ARL6IP5: variants seen among roughly 807,000 people sequenced by gnomAD.
ARL6IP5 encodes ARF like GTPase 6 interacting protein 5.
In ARL6IP5, 6 loss-of-function variants were observed where a neutral mutation model predicts 13.0. That is an observed-to-expected ratio of 0.46 (90% confidence interval 0.25 to 0.91). ARL6IP5 has a LOEUF of 0.91. ARL6IP5 is among the 40% of genes least tolerant of loss of function. The pLI is 0.17. For synonymous variants in ARL6IP5, 91 were observed against 91.9 expected (o/e 0.99, Z 0.06); for missense variants, 208 against 248.8 (o/e 0.84, Z 1.10).
chr3:69,091,861 T>C (rs1465407060), intron 1 of ARL6IP5, among the ~76,000 whole-genome samples: 6 of 152,130 alleles, frequency 3.9e-5, no homozygotes, highest in Non-Finnish European at 8.8e-5. Flanking sequence ...GGAAATCCAG[T>C]TCAAAAAGGT....
At chr3:69,103,667 G>T (rs947521332) in intron 2 of ARL6IP5, among the ~76,000 whole-genome samples, 1 of 152,126 alleles carries the variant, frequency 6.6e-6, no homozygotes, top group African/African-American at 2.4e-5. Context: ...TTAAAATAAT[G>T]AATTCTGGAG....
Position 69,104,916 on chromosome 3 carries a change from T to TA in ARL6IP5, c.*288dup, listed in dbSNP as rs1475990458. On this transcript the variant is annotated 3_prime_UTR_variant, in exon 3 of 3. Transcript: ENST00000273258. The stretch of plus-strand genomic sequence containing the variant: ...GATCACACGATTTCTTTAAGGGAAT[T>TA]AAAAAAAATAAAAGAATTACGGCTT... The TA allele has an allele frequency of 2.7e-5, 19 of 691,924 alleles. No individual in the cohort carries two copies. Among genetic ancestry groups the TA allele is most frequent in the African/African-American group, 1.2e-4 (7 of 56,226 alleles). 42.9% of individuals were successfully genotyped at this position (691,924 alleles called of 1,614,324 possible). A position where few individuals can be genotyped will look rare whatever the true frequency, so the allele number is the denominator to read the frequency against.
intron 1 of ARL6IP5, among the ~76,000 whole-genome samples, chr3:69,100,717 G>T (rs1013315739): frequency 6.6e-6 from 1 of 151,630 alleles, no homozygotes; most frequent in Non-Finnish European, 1.5e-5. Flanking sequence ...GGAGGCAGAG[G>T]TTGCAGTGAG....
At chr3:69,102,250 G>C (rs567824224) in intron 2 of ARL6IP5, 194 bp downstream of exon 2, 107 of 610,914 alleles carry the variant, frequency 1.8e-4, no homozygotes, top group African/African-American at 1.7e-3. Flanking sequence ...ATGAGGTCAA[G>C]GCCTTATAGT....
chr3:69,106,054 T>A lies in ARL6IP5; in HGVS notation c.*1418T>A, dbSNP rs2092321225. The A allele has an allele frequency of 6.6e-6, 1 of 152,166 alleles. No individual in the cohort carries two copies. The highest frequency in any genetic ancestry group is 1.5e-5 in the Non-Finnish European group (1 of 68,036). 9.4% of individuals were successfully genotyped at this position (152,166 alleles called of 1,614,324 possible). Reference sequence around the variant, plus strand: ...CCTTACCCACATATGAAGAATAAAATTGATTAAAGGTTTTTTTGGTGAGAC... The same window carrying A: ...CCTTACCCACATATGAAGAATAAAAATGATTAAAGGTTTTTTTGGTGAGAC... On this transcript the variant is annotated 3_prime_UTR_variant, in exon 3 of 3. Transcript: ENST00000273258.
chr3:69,087,479 T>C (rs1264316143), intron 1 of ARL6IP5, among the ~76,000 whole-genome samples: 1 of 141,560 alleles, frequency 7.1e-6, no homozygotes, highest in African/African-American at 2.6e-5. Flanking sequence ...GACCAATAAT[T>C]AAAAAAAAAA....
chr3:69,086,863 C>A (rs1164270242), intron 1 of ARL6IP5, among the ~76,000 whole-genome samples: 1 of 151,652 alleles, frequency 6.6e-6, no homozygotes, highest in Non-Finnish European at 1.5e-5. Context: ...GCTGGGATTA[C>A]AGGCACGTAC....
At chr3:69,090,515 T>C (rs1446987758) in intron 1 of ARL6IP5, among the ~76,000 whole-genome samples, 1 of 152,212 alleles carries the variant, frequency 6.6e-6, no homozygotes, top group African/African-American at 2.4e-5. Context: ...AACACATCCT[T>C]CTCAACCTGA....
chr3:69,093,376 C>T (rs965997329), intron 1 of ARL6IP5, among the ~76,000 whole-genome samples: 8 of 152,192 alleles, frequency 5.3e-5, no homozygotes, highest in Non-Finnish European at 7.4e-5. Context: ...ACAAAAGAGA[C>T]AGGCTCCTGT....
intron 1 of ARL6IP5, among the ~76,000 whole-genome samples, chr3:69,086,536 T>C (rs564794101): frequency 1.2e-4 from 18 of 152,304 alleles, no homozygotes; most frequent in African/African-American, 4.1e-4. Flanking sequence ...TCTTAAGGAA[T>C]TGCATTCTGG....
intron 1 of ARL6IP5, among the ~76,000 whole-genome samples, chr3:69,089,637 T>TA (rs35599045): frequency 0.61 from 80,226 of 132,364 alleles, 23,850 homozygotes; most frequent in Middle Eastern, 0.67. Flanking sequence ...AAACCCTGTC[T>TA]AAAAAAAAAA....
chr3:69,091,262 A>T (rs923872531), intron 1 of ARL6IP5, among the ~76,000 whole-genome samples: 1 of 152,154 alleles, frequency 6.6e-6, no homozygotes, highest in Non-Finnish European at 1.5e-5. Context: ...AACCTCTGAC[A>T]GTGTATGTGT....
chr3:69,085,558 G>C (rs377073742), intron 1 of ARL6IP5, among the ~76,000 whole-genome samples: 5 of 152,336 alleles, frequency 3.3e-5, no homozygotes, highest in African/African-American at 1.2e-4. Context: ...AAAGATATTT[G>C]TAGCGCCCTC....
In ARL6IP5 at chr3:69,085,069, C is replaced by G; in HGVS notation, c.22C>G (p.Leu8Val). MDVNIAP[L>V]RAWDDFFPGS... ...GAACATGGACGTTAATATCGCCCCA[C>G]TCCGCGCCTGGGACGATTTCTTCCC... Residue 8 changes from leucine (L) to valine (V), a missense_variant, in exon 1 of 3, where the codon CTC becomes GTC. Physicochemically the swap from Leu to Val is conservative, Grantham distance 32. Coordinates refer to ENST00000273258, the MANE Select transcript of ARL6IP5 (RefSeq NM_006407.4). The G allele has an allele frequency of 6.2e-7, 1 of 1,614,112 alleles. No homozygotes were observed. The highest frequency in any genetic ancestry group is 8.5e-7 in the Non-Finnish European group (1 of 1,179,984).
At chr3:69,088,243 C>G (rs2092254044) in intron 1 of ARL6IP5, among the ~76,000 whole-genome samples, 1 of 152,180 alleles carries the variant, frequency 6.6e-6, no homozygotes, top group African/African-American at 2.4e-5. Flanking sequence ...GAACTATCCT[C>G]TTTCGGTGAT....
intron 1 of ARL6IP5, among the ~76,000 whole-genome samples, chr3:69,097,071 A>G (rs1456939068): frequency 6.6e-6 from 1 of 152,176 alleles, no homozygotes; most frequent in African/African-American, 2.4e-5. Context: ...ATTGAAAAAA[A>G]TATGAAAATA....
Position 69,086,445 on chromosome 3 carries a change from AC to A in ARL6IP5, c.176+1227del, listed in dbSNP as rs147499334. On this transcript the variant is annotated intron_variant, in intron 1 of 2. Transcript: ENST00000273258. ...TTTCCGAGTATGGTTCACAGCAATC[AC>A]CCCCATGCAGAGGTGGAAGCCCACA... 1.7e-3 allele frequency among the ~76,000 whole-genome samples: 264 copies of A among 152,202 alleles called. 1 individual carries two copies. The highest frequency in any genetic ancestry group is 6.2e-3 in the African/African-American group (257 of 41,522).
intron 1 of ARL6IP5, among the ~76,000 whole-genome samples, chr3:69,101,275 A>G (rs1185464261): frequency 6.8e-6 from 1 of 147,938 alleles, no homozygotes. Flanking sequence ...CTCTAACGAG[A>G]TACTTTGATG....
In ARL6IP5 at chr3:69,085,221, G is replaced by T. The variant is rs376728432; in HGVS notation, c.174G>T (p.Val58=). The T allele has an allele frequency of 6.2e-7, 1 of 1,611,264 alleles. No individual in the cohort carries two copies. The highest frequency in any genetic ancestry group is 1.3e-5 in the African/African-American group (1 of 75,000). The change falls in exon 1 of 3, where the codon GTG becomes GTT. Residue 58 remains valine (V), a splice_region_variant and synonymous_variant. Coordinates refer to ENST00000273258, the MANE Select transcript of ARL6IP5 (RefSeq NM_006407.4). ...TGGCTGCCATGATGATTTCCATTGT[G>T]GGGTAAGTGGGGTCCCCCTACCCGG... The part of the protein sequence containing the change: ...LVVAAMMISI[V]GFLSPFNMIL...
Sources: allele counts gnomAD v4.1 joint callset (sites outside exome capture counted in the v4.1 genomes callset), GRCh38; gene constraint gnomAD v4.1.1; transcripts MANE v1.5; gene names NCBI Gene and HGNC (gene_info 2026-07-23, HGNC 2026-07-21).